TMEM117: variants seen among roughly 807,000 people sequenced by gnomAD.
TMEM117 encodes the protein transmembrane protein 117.
In TMEM117, 27 loss-of-function variants were observed where a neutral mutation model predicts 52.4. The ratio of observed to expected loss-of-function variants is 0.51; its 90% CI spans 0.38 to 0.71. The LOEUF is 0.71. Ranked by LOEUF, TMEM117 falls within the 30% of genes least tolerant of loss-of-function variation. The pLI is 0.00. For synonymous variants in TMEM117, 215 were observed against 206.3 expected (o/e 1.04, Z -0.36); for missense variants, 556 against 630.5 (o/e 0.88, Z 1.26).
At chr12:44,219,188 A>G (rs1346292483) in intron 5 of TMEM117, among the ~76,000 whole-genome samples, 1 of 152,204 alleles carries the variant, frequency 6.6e-6, no homozygotes, top group African/African-American at 2.4e-5. Context: ...TGAAACAAAA[A>G]TAAGTTACTT....
chr12:44,001,167 A>G (rs1437592307), intron 3 of TMEM117, among the ~76,000 whole-genome samples: 1 of 152,174 alleles, frequency 6.6e-6, no homozygotes. Flanking sequence ...TACCACTCTT[A>G]ATTATTGGTG....
intron 5 of TMEM117, among the ~76,000 whole-genome samples, chr12:44,286,026 G>T (rs1387019773): frequency 6.6e-6 from 1 of 151,870 alleles, no homozygotes; most frequent in Non-Finnish European, 1.5e-5. Context: ...TAATTTAATT[G>T]TAAATTTAAG....
At chr12:43,859,545 T>A (rs1943453990) in intron 2 of TMEM117, among the ~76,000 whole-genome samples, 1 of 151,880 alleles carries the variant, frequency 6.6e-6, no homozygotes, top group Non-Finnish European at 1.5e-5. Context: ...AGAAGAAAAA[T>A]TTTTTGATCA....
rs558482518 is a variant in TMEM117 at position 44,232,274 on chromosome 12, A to G, written c.608+20887A>G. Among the ~76,000 whole-genome samples, 87 of 151,734 alleles carry G rather than the reference A, an allele frequency of 5.7e-4. 1 individual carries two copies. In the South Asian group the frequency reaches 8.7e-3, roughly 15 times the overall value. On this transcript the variant is annotated intron_variant, in intron 5 of 7. Coordinates refer to ENST00000266534, the MANE Select transcript of TMEM117 (RefSeq NM_032256.3). ...GCTTACTGCTTTGCTTTTTAAGTCT[A>G]CAATCCAACTGGTGTTAAGTGGTTG...
At chr12:44,233,729 G>A (rs748761706) in intron 5 of TMEM117, among the ~76,000 whole-genome samples, 2 of 150,502 alleles carry the variant, frequency 1.3e-5, no homozygotes, top group Admixed American at 6.6e-5. Context: ...TCTTTTCCAC[G>A]TGATATTATA....
intron 5 of TMEM117, among the ~76,000 whole-genome samples, chr12:44,241,168 C>A (rs1400676486): frequency 1.3e-5 from 2 of 151,854 alleles, no homozygotes; most frequent in Admixed American, 6.6e-5. Context: ...ACAATATAAG[C>A]AGTTGTTATA....
At chr12:44,071,854 T>G (rs553828932) in intron 3 of TMEM117, among the ~76,000 whole-genome samples, 4 of 152,170 alleles carry the variant, frequency 2.6e-5, no homozygotes, top group Admixed American at 6.5e-5. Flanking sequence ...CTAAGGAGTG[T>G]TATGAAATGC....
chr12:44,306,479 A>G (rs1472458044), intron 6 of TMEM117, among the ~76,000 whole-genome samples: 1 of 152,190 alleles, frequency 6.6e-6, no homozygotes, highest in East Asian at 1.9e-4. Context: ...AGGAGAGACT[A>G]TTAAAAAAAG....
chr12:43,869,229 T>G (rs557220145), intron 2 of TMEM117, among the ~76,000 whole-genome samples: 28 of 147,420 alleles, frequency 1.9e-4, no homozygotes, highest in Non-Finnish European at 3.2e-4. Flanking sequence ...TTTCTTGGCA[T>G]AAATGGTTCC....
the TMEM117 span, among the ~76,000 whole-genome samples, chr12:44,398,089 T>TG: frequency 6.7e-6 from 1 of 148,208 alleles, no homozygotes; most frequent in African/African-American, 2.6e-5. Context: ...TTGTTTTTTT[T>TG]TTTTGTTTGT....
rs1465365293 is a variant in TMEM117, at chr12:44,186,280, A to G, written c.511-25010A>G. On this transcript the variant is annotated intron_variant, in intron 4 of 7. Transcript: ENST00000266534. ...GGAACTCCTTTTGACTTGCCTTTCC[A>G]AGGAATCTTATGCCTCAAAGAAAGT... Among the ~76,000 whole-genome samples, 5 of 152,294 alleles carry G rather than the reference A, an allele frequency of 3.3e-5. No homozygotes were observed. The East Asian group carries it at 7.7e-4, about 24-fold the overall frequency.
intron 2 of TMEM117, among the ~76,000 whole-genome samples, chr12:43,918,186 C>T (rs540889818): frequency 2.6e-5 from 4 of 152,206 alleles, no homozygotes; most frequent in Non-Finnish European, 4.4e-5. Flanking sequence ...ACAAGGGGGA[C>T]GTCATTCTGT....
At chr12:43,810,780 A>C in the TMEM117 span, among the ~76,000 whole-genome samples, 1 of 152,218 alleles carries the variant, frequency 6.6e-6, no homozygotes, top group African/African-American at 2.4e-5. Flanking sequence ...GATCCAAAAC[A>C]GATTAACCCT....
Position 44,211,313 on chromosome 12 carries a change from C to T in TMEM117, c.534C>T (p.Asp178=). The part of the protein sequence containing the change: ...AWMVTDMMLQ[D]KPYPDWGKSA... The stretch of plus-strand genomic sequence containing the variant: ...AGGTCACTGATATGATGCTTCAGGA[C>T]AAACCCTATCCTGACTGGGGAAAAT... The change falls in exon 5 of 8, where the codon GAC becomes GAT. Residue 178 remains aspartate (D), a synonymous_variant. Coordinates refer to ENST00000266534, the MANE Select transcript of TMEM117 (RefSeq NM_032256.3). 2 of 1,612,148 alleles carry T rather than the reference C, an allele frequency of 1.2e-6. No individual in the cohort carries two copies. The highest frequency in any genetic ancestry group is 1.7e-6 in the Non-Finnish European group (2 of 1,178,962).
chr12:44,309,359 T>C (rs1486993625), intron 6 of TMEM117, among the ~76,000 whole-genome samples: 7 of 152,148 alleles, frequency 4.6e-5, no homozygotes, highest in African/African-American at 1.7e-4. Context: ...GTTTATTAAC[T>C]CTGGAGTTGG....
chr12:43,891,149 A>G (rs1944095523), intron 2 of TMEM117, among the ~76,000 whole-genome samples: 1 of 151,998 alleles, frequency 6.6e-6, no homozygotes, highest in African/African-American at 2.4e-5. Flanking sequence ...GGATTTATCT[A>G]CTTTTAAAAT....
intron 4 of TMEM117, among the ~76,000 whole-genome samples, chr12:44,193,315 A>G (rs1237901783): frequency 6.6e-6 from 1 of 152,242 alleles, no homozygotes; most frequent in African/African-American, 2.4e-5. Flanking sequence ...ATTTTTTAAA[A>G]TAAAACAGAC....
chr12:44,385,471 TG>T (rs1253913805), intron 7 of TMEM117, among the ~76,000 whole-genome samples: 1 of 152,122 alleles, frequency 6.6e-6, no homozygotes, highest in Non-Finnish European at 1.5e-5. Flanking sequence ...TATGGTGACT[TG>T]AGCTTGTAGT....
chr12:44,311,303 C>G (rs1950972009), intron 6 of TMEM117, among the ~76,000 whole-genome samples: 1 of 151,972 alleles, frequency 6.6e-6, no homozygotes, highest in Non-Finnish European at 1.5e-5. Context: ...CGAATAAGGT[C>G]TAAAGCAGAG....
Sources: gnomAD v4.1 joint callset for allele counts (sites outside exome capture counted in the v4.1 genomes callset) on GRCh38, gnomAD v4.1.1 for gene constraint, MANE v1.5 for transcripts, NCBI Gene and HGNC (gene_info 2026-07-23, HGNC 2026-07-21) for gene names.